Variants in SLC24A3 observed in about 807,000 individuals in gnomAD.
SLC24A3 encodes the protein solute carrier family 24 member 3, also known as sodium/potassium/calcium exchanger 3.
In SLC24A3, 28 loss-of-function variants were observed where a neutral mutation model predicts 75.8. The ratio of observed to expected loss-of-function variants is 0.37; its 90% CI spans 0.27 to 0.51. The LOEUF (loss-of-function observed/expected upper bound fraction) is 0.51. Among genes scored for constraint, SLC24A3 ranks in the 20% least tolerant of loss-of-function variants. The pLI is 0.94. For synonymous variants in SLC24A3, 372 were observed against 334.1 expected (o/e 1.11, Z -1.24); for missense variants, 663 against 847.8 (o/e 0.78, Z 2.71).
At chr20:19,325,840 G>GA (rs1568589959) in intron 2 of SLC24A3, among the ~76,000 whole-genome samples, 529 of 42,946 alleles carry the variant, frequency 0.012, 31 homozygotes, top group Non-Finnish European at 0.016. Context: ...AGAGAGAGAG[G>GA]GAGACATCTG....
chr20:19,235,230 G>A (rs1237313520), intron 1 of SLC24A3, among the ~76,000 whole-genome samples: 1 of 152,158 alleles, frequency 6.6e-6, no homozygotes, highest in East Asian at 1.9e-4. Flanking sequence ...AGCAAGAACT[G>A]CCTTTTTCAA....
intron 2 of SLC24A3, among the ~76,000 whole-genome samples, chr20:19,453,482 A>T (rs1568622373): frequency 6.6e-6 from 1 of 152,200 alleles, no homozygotes; most frequent in Non-Finnish European, 1.5e-5. Context: ...CAAGGAACAT[A>T]CTGTTAACCA....
chr20:19,286,152 G>C (rs1226811732), intron 2 of SLC24A3, among the ~76,000 whole-genome samples: 1 of 152,202 alleles, frequency 6.6e-6, no homozygotes, highest in Non-Finnish European at 1.5e-5. Context: ...TGCTTGGCCT[G>C]TGTTTCAAGA....
chr20:19,571,394 C>A (rs986419960), intron 3 of SLC24A3, among the ~76,000 whole-genome samples: 1 of 152,038 alleles, frequency 6.6e-6, no homozygotes, highest in African/African-American at 2.4e-5. Context: ...TCCTCAGTAA[C>A]ACAGGAGTCA....
intron 6 of SLC24A3, among the ~76,000 whole-genome samples, chr20:19,643,782 A>G (rs991021042): frequency 2.0e-5 from 3 of 152,222 alleles, no homozygotes; most frequent in Admixed American, 2.0e-4. Flanking sequence ...TGAACTCCAC[A>G]CTATTTTGGA....
At chr20:19,611,466 G>A (rs1002897961) in intron 6 of SLC24A3, among the ~76,000 whole-genome samples, 1 of 152,164 alleles carries the variant, frequency 6.6e-6, no homozygotes, top group Admixed American at 6.5e-5. Context: ...ATACATGATT[G>A]TCTTCATTTT....
At chr20:19,576,675 T>A (rs1356496512) in intron 3 of SLC24A3, among the ~76,000 whole-genome samples, 1 of 152,186 alleles carries the variant, frequency 6.6e-6, no homozygotes, top group Admixed American at 6.5e-5. Flanking sequence ...GCAGATCTCA[T>A]TTCTCATCCC....
chr20:19,372,491 G>A (rs113984952), intron 2 of SLC24A3, among the ~76,000 whole-genome samples: 4,087 of 152,264 alleles, frequency 0.027, 81 homozygotes, highest in Non-Finnish European at 0.039. Flanking sequence ...TGGTTCATGC[G>A]GGAATAAAGG....
chr20:19,549,676 C>T (rs1340495762), intron 3 of SLC24A3, among the ~76,000 whole-genome samples: 1 of 152,126 alleles, frequency 6.6e-6, no homozygotes. Context: ...CCCAGCTACT[C>T]AGGAGGCTGA....
intron 3 of SLC24A3, among the ~76,000 whole-genome samples, chr20:19,544,828 A>C (rs1246700867): frequency 2.0e-5 from 3 of 152,168 alleles, no homozygotes; most frequent in African/African-American, 7.2e-5. Flanking sequence ...ACAGGAACCC[A>C]AGGCAGTTTG....
chr20:19,538,952 A>T (rs1279848145), intron 3 of SLC24A3, among the ~76,000 whole-genome samples: 1 of 152,270 alleles, frequency 6.6e-6, no homozygotes, highest in Non-Finnish European at 1.5e-5. Flanking sequence ...CCACAACTGC[A>T]TACAACAACA....
In SLC24A3 at chr20:19,584,963, C is replaced by T; in HGVS notation, c.424-8C>T. On this transcript the variant is annotated splice_region_variant and splice_polypyrimidine_tract_variant and intron_variant, in intron 4 of 16. Transcript: ENST00000328041. Reference sequence around the variant, plus strand: ...ACTCACCTGTGCTTTGTCTTTGCTCCTCTGTAGCGCCTGCACCTCAGTGAA... The same window carrying T: ...ACTCACCTGTGCTTTGTCTTTGCTCTTCTGTAGCGCCTGCACCTCAGTGAA... 6.2e-7 allele frequency: 1 copy of T among 1,611,802 alleles called. No homozygotes were observed.
chr20:19,217,246 G>A (rs573080051), intron 1 of SLC24A3, among the ~76,000 whole-genome samples: 39 of 152,238 alleles, frequency 2.6e-4, no homozygotes, highest in Non-Finnish European at 1.3e-4. Flanking sequence ...GAAGGGCATA[G>A]ATACCAGCAG....
Position 19,212,916 on chromosome 20 carries a change from G to C in SLC24A3, c.74G>C (p.Ser25Thr), listed in dbSNP as rs1241704679. The C allele has an allele frequency of 2.2e-6, 3 of 1,351,006 alleles. No individual in the cohort carries two copies. The highest frequency in any genetic ancestry group is 2.9e-6 in the Non-Finnish European group (3 of 1,047,582). 83.7% of individuals were successfully genotyped at this position (1,351,006 alleles called of 1,614,324 possible). ...CGCCGCCGGAGGGACCTTCTGCTGA[G>C]CCAGCTCTGCTTCCTGGCCTCGGTG... is the stretch of plus-strand genomic sequence containing the variant. ...RRRRRRDLLL[S>T]QLCFLASVAL... The change falls in exon 1 of 17, where the codon AGC (serine) becomes ACC (threonine). Residue 25 changes from serine to threonine, a missense_variant. Physicochemically the swap from Ser to Thr is moderately conservative, Grantham distance 58. Transcript: ENST00000328041.
In SLC24A3 at chr20:19,381,059, T is replaced by C. The variant is rs1051467217; in HGVS notation, c.271+99972T>C. Among the ~76,000 whole-genome samples, 4 of 152,234 alleles carry C rather than the reference T, an allele frequency of 2.6e-5. No individual in the cohort carries two copies. In the East Asian group the frequency reaches 7.7e-4, roughly 29 times the overall value. On this transcript the variant is annotated intron_variant, in intron 2 of 16. Transcript: ENST00000328041. ...AGAGTGCTTAACTCAGTGTCCTGCATAGATGGTAGCTATTAGCATAATGAC... is the reference window on the plus strand; with the variant it reads ...AGAGTGCTTAACTCAGTGTCCTGCACAGATGGTAGCTATTAGCATAATGAC...
intron 16 of SLC24A3, among the ~76,000 whole-genome samples, chr20:19,720,468 G>A (rs1307280898): frequency 1.3e-5 from 2 of 152,278 alleles, no homozygotes; most frequent in East Asian, 1.9e-4. Flanking sequence ...GGGAAGAACC[G>A]AGATTCCAGG....
At chr20:19,536,152 C>A (rs2122581569) in intron 3 of SLC24A3, among the ~76,000 whole-genome samples, 1 of 152,280 alleles carries the variant, frequency 6.6e-6, no homozygotes, top group Admixed American at 6.5e-5. Context: ...GCTAAAACCA[C>A]CCCTCAATCC....
intron 1 of SLC24A3, among the ~76,000 whole-genome samples, chr20:19,222,821 C>CTTCCTTCCTTCCTTCCTTCCTTCG (rs1981764022): frequency 6.9e-6 from 1 of 145,126 alleles, no homozygotes; most frequent in South Asian, 2.2e-4. Context: ...TCCTTCGTTC[C>CTTCCTTCCTTCCTTCCTTCCTTCG]TTCCTTCCTT....
chr20:19,656,043 A>C (rs891558315), intron 7 of SLC24A3, among the ~76,000 whole-genome samples: 2 of 152,176 alleles, frequency 1.3e-5, no homozygotes, highest in Non-Finnish European at 2.9e-5. Context: ...GAATAGATCA[A>C]CTAAAGGGTC....
Sources: allele counts gnomAD v4.1 joint callset (sites outside exome capture counted in the v4.1 genomes callset), GRCh38; gene constraint gnomAD v4.1.1; transcripts MANE v1.5; gene names NCBI Gene and HGNC (gene_info 2026-07-23, HGNC 2026-07-21).